Variants in TGFBR2 observed in about 807,000 individuals in gnomAD.
The protein encoded by TGFBR2 is transforming growth factor beta receptor 2, also known as TGF-beta receptor type-2.
A neutral mutation model predicts 49.0 loss-of-function variants in TGFBR2; 18 were observed. That is an observed-to-expected ratio of 0.37 (90% CI 0.25 to 0.54). TGFBR2 has a LOEUF of 0.54. TGFBR2 is among the 20% of genes least tolerant of loss of function. TGFBR2 has a pLI of 0.85. For synonymous variants in TGFBR2, 282 were observed against 275.9 expected, an observed-to-expected ratio of 1.02 and a Z score of -0.22; for missense variants, 525 against 722.6, an observed-to-expected ratio of 0.73 and a Z score of 3.13.
intron 1 of TGFBR2, among the ~76,000 whole-genome samples, chr3:30,625,934 G>A (rs911658594): frequency 3.3e-5 from 5 of 152,104 alleles, no homozygotes; most frequent in African/African-American, 7.2e-5. Flanking sequence ...TCCAGTCCAT[G>A]TAGCATAAGT....
At position 30,671,774 on chromosome 3, in the gene TGFBR2, G is replaced by T; in HGVS notation, c.591G>T (p.Leu197=). The part of the protein sequence containing the change: ...YCYRVNRQQK[L]SSTWETGKTR... ...ACCGCGTTAACCGGCAGCAGAAGCT[G>T]AGTTCAACCTGGGAAACCGGCAAGA... The change falls in exon 4 of 7, where the codon CTG becomes CTT. Residue 197 remains leucine, a synonymous_variant. Transcript: ENST00000295754. 6.2e-7 allele frequency: 1 copy of T among 1,614,220 alleles called. No homozygotes were observed. Among genetic ancestry groups the T allele is most frequent in the Non-Finnish European group, 8.5e-7 (1 of 1,180,032 alleles).
intron 1 of TGFBR2, 57 bp from the exon 2 acceptor site, chr3:30,644,690 A>G: frequency 6.5e-7 from 1 of 1,546,696 alleles, no homozygotes; most frequent in Non-Finnish European, 8.9e-7. Flanking sequence ...TCAGGAATTC[A>G]TTGGCAGGCT....
intron 3 of TGFBR2, among the ~76,000 whole-genome samples, chr3:30,668,293 G>A (rs1699277086): frequency 6.6e-6 from 1 of 152,176 alleles, no homozygotes; most frequent in African/African-American, 2.4e-5. Context: ...TGCTTTGTCA[G>A]GAGAGAAGCA....
chr3:30,630,167 G>A (rs1243180071), intron 1 of TGFBR2, among the ~76,000 whole-genome samples: 2 of 152,162 alleles, frequency 1.3e-5, no homozygotes, highest in Non-Finnish European at 2.9e-5. Flanking sequence ...TAGTCAAAAT[G>A]CACTTCTCAG....
chr3:30,607,850 A>AAT (rs200717281), intron 1 of TGFBR2, among the ~76,000 whole-genome samples: 26,137 of 136,656 alleles, frequency 0.19, 4,186 homozygotes, highest in African/African-American at 0.5. Context: ...TATATATATA[A>AAT]ATATATATAA....
At chr3:30,688,294 T>A in intron 5 of TGFBR2, 90 bp from the exon 6 acceptor site, 1 of 1,566,562 alleles carries the variant, frequency 6.4e-7, no homozygotes, top group Non-Finnish European at 8.8e-7. Flanking sequence ...TAGTGCTTCA[T>A]GCTCCCCAGC....
At chr3:30,648,506 C>T (rs1698818763) in intron 2 of TGFBR2, among the ~76,000 whole-genome samples, 1 of 150,752 alleles carries the variant, frequency 6.6e-6, no homozygotes, top group Non-Finnish European at 1.5e-5. Flanking sequence ...TCCATGACTA[C>T]AGCTGATTTG....
intron 5 of TGFBR2, among the ~76,000 whole-genome samples, chr3:30,688,122 G>A (rs1042003411): frequency 1.3e-5 from 2 of 152,126 alleles, no homozygotes; most frequent in Admixed American, 1.3e-4. Flanking sequence ...TCTCTATCTT[G>A]TTGTCCACTG....
intron 2 of TGFBR2, among the ~76,000 whole-genome samples, chr3:30,649,166 G>A (rs3773624): frequency 3.3e-5 from 5 of 151,920 alleles, no homozygotes; most frequent in African/African-American, 7.3e-5. Context: ...CCTTCCTTCC[G>A]CTCCCTCTCT....
chr3:30,624,210 G>A (rs966355855), intron 1 of TGFBR2, among the ~76,000 whole-genome samples: 1 of 152,042 alleles, frequency 6.6e-6, no homozygotes, highest in African/African-American at 2.4e-5. Flanking sequence ...AGCAGAACAC[G>A]ACTCACACAG....
In TGFBR2 at chr3:30,650,369, C is replaced by T. The variant is rs2125410317; in HGVS notation, c.363C>T (p.Cys121=). The T allele has an allele frequency of 6.2e-7, 1 of 1,613,648 alleles. No individual in the cohort carries two copies. Residue 121 remains cysteine (C), a synonymous_variant, in exon 3 of 7, where the codon TGC becomes TGT. Transcript: ENST00000295754. The part of the protein sequence containing the change: ...FILEDAASPK[C]IMKEKKKPGE... ...TGGAAGATGCTGCTTCTCCAAAGTG[C>T]ATTATGAAGGAAAAAAAAAAGCCTG...
chr3:30,645,456 A>G (rs960605837), intron 2 of TGFBR2, among the ~76,000 whole-genome samples: 2 of 150,490 alleles, frequency 1.3e-5, no homozygotes, highest in African/African-American at 2.4e-5. Context: ...TGGGATAGAT[A>G]TGACTTCTTT....
chr3:30,656,301 G>T (rs1698997307), intron 3 of TGFBR2, among the ~76,000 whole-genome samples: 1 of 151,760 alleles, frequency 6.6e-6, no homozygotes, highest in African/African-American at 2.4e-5. Flanking sequence ...TCTTAATGTG[G>T]AGAAAATCAG....
rs996495429 is a variant in TGFBR2, at chr3:30,676,675, T to G, written c.1396+2429T>G. On this transcript the variant is annotated intron_variant, in intron 5 of 6. Transcript: ENST00000295754. The surrounding 1 kb of genome is among the most constrained non-coding windows in gnomAD (Gnocchi z 4.3). The stretch of plus-strand genomic sequence containing the variant: ...AGTTGGCACCACTGCTGGCTCTGAT[T>G]CTTCATCCTGTTCAGAATATGCATA... 1.3e-5 allele frequency among the ~76,000 whole-genome samples: 2 copies of G among 152,242 alleles called. No individual in the cohort carries two copies. The highest frequency in any genetic ancestry group is 1.5e-5 in the Non-Finnish European group (1 of 68,050).
intron 1 of TGFBR2, among the ~76,000 whole-genome samples, chr3:30,611,582 CTTT>C (rs747840989): frequency 7.0e-6 from 1 of 141,888 alleles, no homozygotes; most frequent in Admixed American, 7.0e-5. Context: ...ACTGATTCCT[CTTT>C]TTTTTTTTTT....
At chr3:30,651,790 G>A (rs1420243351) in intron 3 of TGFBR2, among the ~76,000 whole-genome samples, 2 of 152,186 alleles carry the variant, frequency 1.3e-5, no homozygotes, top group African/African-American at 4.8e-5. Flanking sequence ...CTCCTGAAAA[G>A]GATGTAAGCA....
intron 3 of TGFBR2, among the ~76,000 whole-genome samples, chr3:30,654,946 A>G (rs183804197): frequency 1.2e-4 from 18 of 152,318 alleles, no homozygotes; most frequent in African/African-American, 4.1e-4. Flanking sequence ...GGTTTAGGTA[A>G]GAGAGAAACG....
At chr3:30,656,854 G>A (rs1699010660) in intron 3 of TGFBR2, among the ~76,000 whole-genome samples, 1 of 152,216 alleles carries the variant, frequency 6.6e-6, no homozygotes, top group Admixed American at 6.5e-5. Flanking sequence ...TGTAGGCAAG[G>A]TGGTGGCAAG....
At chr3:30,662,908 C>G (rs1655019191) in intron 3 of TGFBR2, among the ~76,000 whole-genome samples, 1 of 152,184 alleles carries the variant, frequency 6.6e-6, no homozygotes, top group Admixed American at 6.5e-5. Flanking sequence ...AAATTTACCT[C>G]TGAAACTTGA....
Sources: allele counts gnomAD v4.1 joint callset (sites outside exome capture counted in the v4.1 genomes callset), GRCh38; gene constraint gnomAD v4.1.1; non-coding constraint Gnocchi (gnomAD v3.1); transcripts MANE v1.5; gene names NCBI Gene and HGNC (gene_info 2026-07-23, HGNC 2026-07-21).